Variants in ROBO2 observed in about 807,000 individuals in gnomAD.
ROBO2 encodes the protein roundabout homolog 2.
ROBO2 carries 53 observed loss-of-function variants against 160.8 expected under a neutral mutation model. That is an observed-to-expected ratio of 0.33 (90% confidence interval 0.26 to 0.41). ROBO2 has a LOEUF of 0.41. Ranked by LOEUF, ROBO2 falls within the 10% of genes least tolerant of loss-of-function variation. The probability of loss-of-function intolerance (pLI) is 1.00; values close to 1 mark genes in which losing one functional copy is unlikely to be tolerated. For synonymous variants in ROBO2, 664 were observed against 611.7 expected (o/e 1.09, Z -1.26); for missense variants, 1,577 against 1,722.4 (o/e 0.92, Z 1.49).
intron 2 of ROBO2, among the ~76,000 whole-genome samples, chr3:76,440,435 G>A (rs1255028335): frequency 6.6e-6 from 1 of 151,392 alleles, no homozygotes; most frequent in Non-Finnish European, 1.5e-5. Flanking sequence ...GGTGTGTGAT[G>A]TTCCCCTCCC....
At chr3:77,262,713 T>A (rs2058853750) in intron 2 of ROBO2, among the ~76,000 whole-genome samples, 1 of 152,242 alleles carries the variant, frequency 6.6e-6, no homozygotes, top group South Asian at 2.1e-4. Context: ...TGAAAGCTAC[T>A]GGAAAGTCAT....
intron 2 of ROBO2, among the ~76,000 whole-genome samples, chr3:77,403,147 A>G (rs1316438896): frequency 6.6e-6 from 1 of 152,186 alleles, no homozygotes; most frequent in East Asian, 1.9e-4. Context: ...CATGTTTTAA[A>G]ATATATATAC....
intron 2 of ROBO2, among the ~76,000 whole-genome samples, chr3:76,279,372 G>A (rs1358542211): frequency 6.6e-6 from 1 of 151,772 alleles, no homozygotes; most frequent in Non-Finnish European, 1.5e-5. Flanking sequence ...AACTCCAAGT[G>A]ATTCTACATA....
intron 2 of ROBO2, among the ~76,000 whole-genome samples, chr3:76,829,885 T>A (rs936716058): frequency 3.3e-5 from 5 of 152,028 alleles, no homozygotes; most frequent in Non-Finnish European, 5.9e-5. Context: ...CCAGGTTGGT[T>A]TCGAACCTCT....
intron 2 of ROBO2, among the ~76,000 whole-genome samples, chr3:76,273,520 G>A (rs1041662995): frequency 6.6e-6 from 1 of 152,038 alleles, no homozygotes; most frequent in Non-Finnish European, 1.5e-5. Flanking sequence ...GGAGGCCTCA[G>A]GAAACTTACA....
At chr3:77,527,538 G>C (rs1481788128) in intron 6 of ROBO2, 124 bp downstream of exon 7, 1 of 660,190 alleles carries the variant, frequency 1.5e-6, no homozygotes, top group Non-Finnish European at 2.1e-6. Flanking sequence ...ACTTGAGACT[G>C]TATGCTGTAA....
intron 2 of ROBO2, among the ~76,000 whole-genome samples, chr3:76,033,101 C>CA (rs4054054): frequency 4.0e-5 from 6 of 150,808 alleles, no homozygotes; most frequent in Admixed American, 6.6e-5. Context: ...GATATAACAG[C>CA]AAAAAAAAAA....
At chr3:76,459,107 A>G (rs1006293524) in intron 2 of ROBO2, among the ~76,000 whole-genome samples, 11 of 139,370 alleles carry the variant, frequency 7.9e-5, no homozygotes, top group East Asian at 4.1e-4. Flanking sequence ...GCATTAAAAC[A>G]CTTTCCTTTT....
chr3:76,279,754 A>G (rs1708132162), intron 2 of ROBO2, among the ~76,000 whole-genome samples: 1 of 152,042 alleles, frequency 6.6e-6, no homozygotes, highest in Non-Finnish European at 1.5e-5. Flanking sequence ...ATAAGATAAA[A>G]ACATAACGTA....
chr3:75,959,055 TTTTAAAC>T (rs1367907804), intron 2 of ROBO2, among the ~76,000 whole-genome samples: 5 of 151,792 alleles, frequency 3.3e-5, no homozygotes, highest in Non-Finnish European at 7.4e-5. Flanking sequence ...ATTTCTTTAC[TTTTAAAC>T]TTCAAAATTA....
At chr3:75,974,649 TAGC>T (rs1055647080) in intron 2 of ROBO2, among the ~76,000 whole-genome samples, 16 of 151,652 alleles carry the variant, frequency 1.1e-4, no homozygotes, top group Admixed American at 2.6e-4. Flanking sequence ...ATTTTACTGT[TAGC>T]AGTTATTCTC....
At chr3:76,194,348 GTGTAAA>G (rs1383355586) in intron 2 of ROBO2, among the ~76,000 whole-genome samples, 45 of 45,744 alleles carry the variant, frequency 9.8e-4, no homozygotes, top group African/African-American at 2.8e-3. Flanking sequence ...TATGTATGGT[GTGTAAA>G]TATATATATA....
At chr3:77,089,901 GC>G (rs1353214950) in intron 1 of ROBO2, among the ~76,000 whole-genome samples, 1 of 152,130 alleles carries the variant, frequency 6.6e-6, no homozygotes, top group East Asian at 1.9e-4. Context: ...TGGATTGATG[GC>G]ATGATTCATT....
At chr3:76,938,145 T>G (rs1577645899) in intron 2 of ROBO2, among the ~76,000 whole-genome samples, 1 of 151,700 alleles carries the variant, frequency 6.6e-6, no homozygotes, top group African/African-American at 2.4e-5. Context: ...GATCACGAGG[T>G]TAAGAGATTA....
chr3:76,243,678 G>A (rs1030740099), intron 2 of ROBO2, among the ~76,000 whole-genome samples: 8 of 152,148 alleles, frequency 5.3e-5, no homozygotes, highest in African/African-American at 1.9e-4. Flanking sequence ...GATAAGAAAA[G>A]TGCTCTTCAC....
intron 2 of ROBO2, among the ~76,000 whole-genome samples, chr3:77,323,903 T>G (rs1444617810): frequency 6.6e-6 from 1 of 152,198 alleles, no homozygotes; most frequent in Non-Finnish European, 1.5e-5. Flanking sequence ...ATTCCAAACA[T>G]GTTTTTCTGA....
intron 2 of ROBO2, among the ~76,000 whole-genome samples, chr3:76,152,065 A>T (rs2072229282): frequency 6.6e-6 from 1 of 152,192 alleles, no homozygotes. Flanking sequence ...AATGAGCTTT[A>T]AAAGGCCATT....
chr3:77,625,622 T>G (rs1257041970), intron 23 of ROBO2, among the ~76,000 whole-genome samples: 1 of 152,106 alleles, frequency 6.6e-6, no homozygotes, highest in African/African-American at 2.4e-5. Flanking sequence ...GTGATCCATC[T>G]GCCTCGGCCT....
chr3:76,051,114 A>G (rs969277017), intron 2 of ROBO2, among the ~76,000 whole-genome samples: 4 of 152,122 alleles, frequency 2.6e-5, no homozygotes, highest in Admixed American at 2.0e-4. Flanking sequence ...GTTCTTATAT[A>G]TATTGCCATA....
Sources: gnomAD v4.1 joint callset for allele counts (sites outside exome capture counted in the v4.1 genomes callset) on GRCh38, gnomAD v4.1.1 for gene constraint, MANE v1.5 for transcripts, NCBI Gene and HGNC (gene_info 2026-07-23, HGNC 2026-07-21) for gene names.